Variants in CLVS1 observed in about 807,000 individuals in gnomAD.
CLVS1 encodes the protein clavesin 1, also known as clavesin-1.
Under a neutral mutation model 33.1 loss-of-function variants are expected in CLVS1, and 10 were observed. The observed-to-expected ratio is 0.30, with a 90% CI of 0.19 to 0.51. The LOEUF (loss-of-function observed/expected upper bound fraction) is 0.51, where lower values mean the gene tolerates loss of function less well. Ranked by LOEUF, CLVS1 falls within the 20% of genes least tolerant of loss-of-function variation. CLVS1 has a pLI of 0.97. For missense variants in CLVS1, 343 were observed against 433.4 expected (o/e 0.79, Z 1.85); for synonymous variants, 163 against 166.1 (o/e 0.98, Z 0.14).
At chr8:61,357,494 CTTTTTTTTTTTTTT>C (rs1167743712) in intron 2 of CLVS1, among the ~76,000 whole-genome samples, 2,964 of 25,966 alleles carry the variant, frequency 0.11, 164 homozygotes, top group African/African-American at 0.26. Flanking sequence ...TTTTTCTTTT[CTTTTTTTTTTTTTT>C]TTTTTTTTTT....
At chr8:61,213,862 C>A (rs866810906) in intron 2 of CLVS1, among the ~76,000 whole-genome samples, 2 of 152,166 alleles carry the variant, frequency 1.3e-5, no homozygotes, top group South Asian at 2.1e-4. Context: ...TGGAACAGAG[C>A]CATATTTCTC....
chr8:61,158,032 T>C (rs775441331), intron 2 of CLVS1, among the ~76,000 whole-genome samples: 1 of 152,206 alleles, frequency 6.6e-6, no homozygotes, highest in Non-Finnish European at 1.5e-5. Flanking sequence ...ATAGCAGCCT[T>C]ATTATACACA....
rs1208246548 is a variant in CLVS1, at chr8:61,501,099, T to G, written c.*1557T>G. On this transcript the variant is annotated 3_prime_UTR_variant, in exon 6 of 6. Coordinates refer to ENST00000325897, the MANE Select transcript of CLVS1 (RefSeq NM_173519.3). ...AACTGTATCACAATATAAATTAAAC[T>G]AATTCATTTTTGTGTAGACATACGA... The G allele has an allele frequency of 6.6e-6, 1 of 152,172 alleles. No individual in the cohort carries two copies. The highest frequency in any genetic ancestry group is 1.5e-5 in the Non-Finnish European group (1 of 68,016). 9.4% of individuals were successfully genotyped at this position (152,172 alleles called of 1,614,324 possible).
intron 1 of CLVS1, among the ~76,000 whole-genome samples, chr8:61,113,805 AT>A (rs565640640): frequency 6.6e-6 from 1 of 152,008 alleles, no homozygotes; most frequent in Non-Finnish European, 1.5e-5. Flanking sequence ...GCTAATTAAT[AT>A]TTTTTTGTAG....
chr8:61,053,116 G>A (rs1469684926), upstream of CLVS1, among the ~76,000 whole-genome samples: 1 of 152,190 alleles, frequency 6.6e-6, no homozygotes, highest in African/African-American at 2.4e-5. Context: ...GGCAAGGAGT[G>A]GGGTCGACCA....
intron 1 of CLVS1, among the ~76,000 whole-genome samples, chr8:61,074,058 C>A (rs1293505640): frequency 6.7e-6 from 1 of 150,178 alleles, no homozygotes; most frequent in Non-Finnish European, 1.5e-5. Context: ...ATATGTAAGG[C>A]CAGGCATGGT....
intron 2 of CLVS1, among the ~76,000 whole-genome samples, chr8:61,354,667 A>C (rs7830209): frequency 4.6e-5 from 7 of 152,194 alleles, no homozygotes; most frequent in African/African-American, 1.7e-4. Context: ...TGAACTATTT[A>C]TATATGTAAC....
intron 2 of CLVS1, among the ~76,000 whole-genome samples, chr8:61,132,720 G>A (rs993277144): frequency 2.6e-5 from 4 of 152,142 alleles, no homozygotes; most frequent in Non-Finnish European, 5.9e-5. Flanking sequence ...TCTAAAAAGC[G>A]GGATGCAGGG....
intron 2 of CLVS1, among the ~76,000 whole-genome samples, chr8:61,254,881 G>T (rs1372171424): frequency 6.6e-6 from 1 of 152,160 alleles, no homozygotes; most frequent in East Asian, 1.9e-4. Context: ...GTGAGGTGAT[G>T]CCTCAGCCTC....
upstream of CLVS1, among the ~76,000 whole-genome samples, chr8:61,287,344 C>T (rs1178370513): frequency 2.0e-5 from 3 of 152,088 alleles, no homozygotes; most frequent in East Asian, 3.8e-4. Flanking sequence ...TTCTAAAAGG[C>T]TGTTAGTGTT....
intron 2 of CLVS1, among the ~76,000 whole-genome samples, chr8:61,160,484 TG>T (rs1386982693): frequency 6.6e-6 from 1 of 152,192 alleles, no homozygotes; most frequent in Non-Finnish European, 1.5e-5. Flanking sequence ...CAGTCAAGAC[TG>T]CAGGAGCAGA....
chr8:61,472,446 G>A (rs997139026), intron 5 of CLVS1, among the ~76,000 whole-genome samples: 4 of 152,116 alleles, frequency 2.6e-5, no homozygotes, highest in African/African-American at 7.2e-5. Context: ...AGGAAAAATC[G>A]TGTAACAGTA....
intron 2 of CLVS1, among the ~76,000 whole-genome samples, chr8:61,273,162 G>C (rs1035474629): frequency 1.3e-5 from 2 of 148,802 alleles, no homozygotes; most frequent in Non-Finnish European, 3.0e-5. Context: ...TGTACAGATG[G>C]GTTTTTGGTG....
intron 2 of CLVS1, among the ~76,000 whole-genome samples, chr8:61,243,303 A>T (rs1166694179): frequency 6.6e-6 from 1 of 152,212 alleles, no homozygotes; most frequent in Non-Finnish European, 1.5e-5. Context: ...GTATTAACAT[A>T]TATCAGGTTT....
intron 2 of CLVS1, among the ~76,000 whole-genome samples, chr8:61,173,388 T>C (rs1011319343): frequency 2.6e-5 from 4 of 152,118 alleles, no homozygotes; most frequent in Admixed American, 6.6e-5. Flanking sequence ...GTGGTCTTGG[T>C]TTGGGTTTGG....
chr8:61,462,993 T>C (rs982224462), intron 5 of CLVS1, among the ~76,000 whole-genome samples: 1 of 152,220 alleles, frequency 6.6e-6, no homozygotes, highest in East Asian at 1.9e-4. Context: ...GGCTGTTTTG[T>C]CATTGGAAAT....
rs533278193 is a variant in CLVS1, at chr8:61,110,394, C to T, written c.-242-21376C>T. Among the ~76,000 whole-genome samples the T allele has an allele frequency of 2.1e-3, 317 of 152,280 alleles. 1 individual carries two copies. The highest frequency in any genetic ancestry group is 7.1e-3 in the African/African-American group (294 of 41,544). On this transcript the variant is annotated intron_variant, in intron 1 of 2. Transcript: ENST00000522621. ...GGCTTCCTCAATTATTCCATGGAAT[C>T]CTCATCTCCAGTTTTGTCTTAGATT... is the stretch of plus-strand genomic sequence containing the variant.
the CLVS1 span, among the ~76,000 whole-genome samples, chr8:61,044,038 C>T: frequency 2.6e-5 from 4 of 152,144 alleles, no homozygotes; most frequent in African/African-American, 9.7e-5. Flanking sequence ...GAGAATATTT[C>T]TGATTCATTT....
intron 2 of CLVS1, among the ~76,000 whole-genome samples, chr8:61,193,689 T>A (rs72654680): frequency 2.0e-5 from 3 of 151,720 alleles, no homozygotes; most frequent in Admixed American, 6.6e-5. Context: ...TAAAATAATG[T>A]CATTTTCAGA....
Sources: gnomAD v4.1 joint callset for allele counts (sites outside exome capture counted in the v4.1 genomes callset) on GRCh38, gnomAD v4.1.1 for gene constraint, MANE v1.5 for transcripts, NCBI Gene and HGNC (gene_info 2026-07-23, HGNC 2026-07-21) for gene names.